The following ZNF554 variants were observed in gnomAD, a reference collection of about 807,000 sequenced individuals.
ZNF554 encodes zinc finger protein 554.
ZNF554 carries 15 observed loss-of-function variants against 21.2 expected under a neutral mutation model. The ratio of observed to expected loss-of-function variants is 0.71; its 90% confidence interval spans 0.47 to 1.09. The LOEUF is 1.09. Ranked by LOEUF, ZNF554 falls within the 50% of genes least tolerant of loss-of-function variation. The probability of loss-of-function intolerance (pLI) is 0.00; values close to 1 mark genes in which losing one functional copy is unlikely to be tolerated. For missense variants in ZNF554, 691 were observed against 662.7 expected (o/e 1.04, Z -0.47); for synonymous variants, 258 against 251.4 (o/e 1.03, Z -0.25).
At chr19:2,828,424 G>A (rs180812892) in intron 3 of ZNF554, among the ~76,000 whole-genome samples, 1 of 152,278 alleles carries the variant, frequency 6.6e-6, no homozygotes. Context: ...TGGGTGTGGT[G>A]GCTCATGCCT....
chr19:2,834,841 A>G lies in ZNF554; in HGVS notation c.1606A>G (p.Ile536Val), dbSNP rs896399508. The G allele has an allele frequency of 2.5e-6, 4 of 1,586,774 alleles. No homozygotes were observed. The African/African-American group carries it at 4.0e-5, about 16-fold the overall frequency. Residue 536 changes from isoleucine (I) to valine (V), a missense_variant, in exon 5 of 5, where the codon ATT becomes GTT. Transcript: ENST00000317243. Reference protein sequence around the residue: ...GKAFYQNRHLIGY With the variant: ...GKAFYQNRHLVGY ...AGCGTTCTACCAGAACAGACATCTTATTGGATATTAGCAATTGCACGCTGC... is the reference window on the plus strand; with the variant it reads ...AGCGTTCTACCAGAACAGACATCTTGTTGGATATTAGCAATTGCACGCTGC...
At position 2,821,146 on chromosome 19, in the gene ZNF554, G is replaced by C. The variant is rs571632874; in HGVS notation, c.53+1022G>C. ...GCCCTATTGCCCAGGCTGGAGTGCA[G>C]TTGCACGATCTCGGCTCACTGCATC... On this transcript the variant is annotated intron_variant, in intron 1 of 4. Transcript: ENST00000317243. This position sits in a 1 kb window ranked among gnomAD's most constrained non-coding sequence, Gnocchi z 8.2. Among the ~76,000 whole-genome samples the C allele has an allele frequency of 8.6e-5, 13 of 150,892 alleles. No individual in the cohort carries two copies. The highest frequency in any genetic ancestry group is 3.2e-4 in the African/African-American group (13 of 40,838).
chr19:2,828,813 G>C (rs976458598), intron 3 of ZNF554, among the ~76,000 whole-genome samples: 5 of 152,130 alleles, frequency 3.3e-5, no homozygotes, highest in Non-Finnish European at 5.9e-5. Flanking sequence ...AGAGGGAAGA[G>C]AGCAGGGGAA....
chr19:2,822,437 A>C (rs1422915479), intron 1 of ZNF554, among the ~76,000 whole-genome samples: 1 of 152,128 alleles, frequency 6.6e-6, no homozygotes, highest in African/African-American at 2.4e-5. Context: ...TATTCCTGTT[A>C]TTTTAAGCCC....
intron 3 of ZNF554, chr19:2,830,762 T>C (rs569315472): frequency 2.7e-4 from 24 of 88,972 alleles, no homozygotes; most frequent in Admixed American, 2.2e-3. Flanking sequence ...CACCTGTTTT[T>C]GTATTTTTTT....
intron 2 of ZNF554, among the ~76,000 whole-genome samples, chr19:2,827,064 C>T (rs1279232819): frequency 6.6e-6 from 1 of 152,156 alleles, no homozygotes; most frequent in Non-Finnish European, 1.5e-5. Context: ...TGAGGAAGGT[C>T]CTGTTCCATC....
chr19:2,827,504 G>T (rs557880844), intron 2 of ZNF554, 113 bp from the exon 3 acceptor site: 26 of 1,357,166 alleles, frequency 1.9e-5, no homozygotes, highest in Non-Finnish European at 2.5e-5. Flanking sequence ...CTGACTTATG[G>T]ACTTTGCACC....
chr19:2,827,536 G>A lies in ZNF554; in HGVS notation c.127-81G>A, dbSNP rs989995954. ...CACCTTGACCTTTCTCAACTTCCCT[G>A]GTGCCACCAACCTCACCCCTCCTCC... is the stretch of plus-strand genomic sequence containing the variant. On this transcript the variant is annotated intron_variant, in intron 2 of 4. Transcript: ENST00000317243. 4.8e-5 allele frequency: 73 copies of A among 1,530,888 alleles called. 1 individual carries two copies. The highest frequency in any genetic ancestry group is 4.0e-4 in the Admixed American group (19 of 47,204). 94.8% of individuals were successfully genotyped at this position (1,530,888 alleles called of 1,614,324 possible).
In ZNF554 at chr19:2,827,715, G is replaced by T. The variant is rs762792402; in HGVS notation, c.225G>T (p.Leu75=). 3.1e-6 allele frequency: 5 copies of T among 1,613,810 alleles called. No homozygotes were observed. In the African/African-American group the frequency reaches 6.7e-5, roughly 22 times the overall value. ...AGAACCTGTACAGAGAGGTGATGCTGGAGAACTACAGGAACGTGGTCTCCC... is the reference window on the plus strand; with the variant it reads ...AGAACCTGTACAGAGAGGTGATGCTTGAGAACTACAGGAACGTGGTCTCCC... The part of the protein sequence containing the change: ...AQKNLYREVM[L]ENYRNVVSLE... Residue 75 remains leucine (L), a synonymous_variant, in exon 3 of 5, where the codon CTG becomes CTT. Coordinates refer to ENST00000317243, the MANE Select transcript of ZNF554 (RefSeq NM_001102651.2).
intron 2 of ZNF554, among the ~76,000 whole-genome samples, chr19:2,825,790 G>A (rs1458349652): frequency 6.6e-6 from 1 of 152,094 alleles, no homozygotes; most frequent in Non-Finnish European, 1.5e-5. Context: ...CATAAGACAG[G>A]GGTGGACTGA....
intron 4 of ZNF554, 63 bp from the exon 5 acceptor site, chr19:2,833,618 C>G: frequency 2.2e-6 from 3 of 1,393,684 alleles, no homozygotes; most frequent in Non-Finnish European, 2.9e-6. Context: ...ACTTCTGTCC[C>G]GCTGGTTTTC....
At chr19:2,832,112 G>A (rs2144821434) in intron 3 of ZNF554, 191 bp from the exon 4 acceptor site, 1 of 432,776 alleles carries the variant, frequency 2.3e-6, no homozygotes, top group African/African-American at 2.0e-5. Flanking sequence ...TTTTAGTAGA[G>A]ATGGGGTTTT....
In ZNF554 at chr19:2,827,759, C is replaced by G. The variant is rs1265117742; in HGVS notation, c.253+16C>G. 1 of 1,613,618 alleles carries G rather than the reference C, an allele frequency of 6.2e-7. No homozygotes were observed. The highest frequency in any genetic ancestry group is 2.2e-5 in the East Asian group (1 of 44,868). On this transcript the variant is annotated intron_variant, in intron 3 of 4. Transcript: ENST00000317243. ...GTCTCCCTGGGTAAGGCAAGCATCA[C>G]TAATTCCTGTGTTCATTGATTCACA...
Position 2,823,091 on chromosome 19 carries a change from G to T in ZNF554, c.105G>T (p.Gly35=), listed in dbSNP as rs1007032381. The change falls in exon 2 of 5, where the codon GGG becomes GGT. Residue 35 remains glycine (G), a synonymous_variant. Coordinates refer to ENST00000317243, the MANE Select transcript of ZNF554 (RefSeq NM_001102651.2). ...CCCAAGAGGAGAGAATGGCTGCTGG[G>T]TACCTGCCCCGCTGGTCCCAGGTGA... is the stretch of plus-strand genomic sequence containing the variant. ...CFSQEERMAA[G]YLPRWSQELV... 1 of 1,613,246 alleles carries T rather than the reference G, an allele frequency of 6.2e-7. No homozygotes were observed. Among genetic ancestry groups the T allele is most frequent in the African/African-American group, 1.3e-5 (1 of 74,896 alleles).
At chr19:2,829,143 G>A (rs926871544) in intron 3 of ZNF554, among the ~76,000 whole-genome samples, 1 of 151,716 alleles carries the variant, frequency 6.6e-6, no homozygotes, top group Admixed American at 6.6e-5. Context: ...TGGATCACTT[G>A]AGGCCAGGAG....
In ZNF554 at chr19:2,820,038, G is replaced by T; in HGVS notation, c.-34G>T. On this transcript the variant is annotated 5_prime_UTR_variant, in exon 1 of 5. Coordinates refer to ENST00000317243, the MANE Select transcript of ZNF554 (RefSeq NM_001102651.2). Reference sequence around the variant, plus strand: ...GGCCTGCACGGGGCGCTCCCGCCTCGGGGGCCCTGTCTGGCGCCTCAGCGC... The same window carrying T: ...GGCCTGCACGGGGCGCTCCCGCCTCTGGGGCCCTGTCTGGCGCCTCAGCGC... The T allele has an allele frequency of 1.7e-6, 2 of 1,200,790 alleles. No homozygotes were observed. Among genetic ancestry groups the T allele is most frequent in the Middle Eastern group, 3.3e-4 (1 of 3,056 alleles). The allele number at this position is 1,200,790 out of a possible 1,614,324, so 74.4% of individuals were successfully genotyped here.
Position 2,834,509 on chromosome 19 carries a change from T to C in ZNF554, c.1274T>C (p.Leu425Ser), listed in dbSNP as rs1257599648. 2 of 1,613,804 alleles carry C rather than the reference T, an allele frequency of 1.2e-6. No individual in the cohort carries two copies. Among genetic ancestry groups the C allele is most frequent in the Non-Finnish European group, 1.7e-6 (2 of 1,179,968 alleles). The change falls in exon 5 of 5, where the codon TTG (leucine) becomes TCG (serine). Residue 425 changes from leucine to serine, a missense_variant. Coordinates refer to ENST00000317243, the MANE Select transcript of ZNF554 (RefSeq NM_001102651.2). The part of the protein sequence containing the change: ...KSFCQSSYLI[L>S]HKRTHTGEKP... ...TTCTGCCAGAGCTCTTACCTGATCT[T>C]GCACAAGAGGACACACACCGGAGAG...
intron 2 of ZNF554, among the ~76,000 whole-genome samples, chr19:2,823,683 C>G (rs911085613): frequency 1.3e-5 from 2 of 152,156 alleles, no homozygotes; most frequent in East Asian, 3.9e-4. Context: ...GCCGGCAGAT[C>G]ATCTCTGCAG....
chr19:2,828,679 A>G (rs865854426), intron 3 of ZNF554, among the ~76,000 whole-genome samples: 1,246 of 10,786 alleles, frequency 0.12, 19 homozygotes, highest in African/African-American at 0.26. Context: ...CGTCTCAAGA[A>G]AAAAAAAAAA....
Sources: gnomAD v4.1 joint callset for allele counts (sites outside exome capture counted in the v4.1 genomes callset) on GRCh38, gnomAD v4.1.1 for gene constraint, Gnocchi (gnomAD v3.1) non-coding constraint, MANE v1.5 for transcripts, NCBI Gene and HGNC (gene_info 2026-07-23, HGNC 2026-07-21) for gene names.